SNX9: variants seen among roughly 807,000 people sequenced by gnomAD.
SNX9 encodes the protein sorting nexin-9.
Under a neutral mutation model 89.4 loss-of-function variants are expected in SNX9, and 44 were observed. The observed-to-expected ratio is 0.49, with a 90% CI of 0.39 to 0.63. The LOEUF is 0.63. SNX9 is among the 30% of genes least tolerant of loss of function. The probability of loss-of-function intolerance (pLI) is 0.00; values close to 1 mark genes in which losing one functional copy is unlikely to be tolerated. For synonymous variants in SNX9, 236 were observed against 247.8 expected, an observed-to-expected ratio of 0.95 and a Z score of 0.45; for missense variants, 578 against 736.1, an observed-to-expected ratio of 0.79 and a Z score of 2.49.
At chr6:157,880,808 G>C (rs1326864779) in intron 4 of SNX9, among the ~76,000 whole-genome samples, 1 of 152,158 alleles carries the variant, frequency 6.6e-6, no homozygotes, top group Non-Finnish European at 1.5e-5. Flanking sequence ...AGACTGTCTA[G>C]GTTTTAATCC....
At position 157,858,788 on chromosome 6, in the gene SNX9, G is replaced by A. The variant is rs151230834; in HGVS notation, c.13-8759G>A. On this transcript the variant is annotated intron_variant, in intron 1 of 17. Transcript: ENST00000392185. The stretch of plus-strand genomic sequence containing the variant: ...AAAGGGACATCTTACATGGCAGCAG[G>A]CAAGAGAGCTTGTGCAGGGGGACTC... 2.3e-4 allele frequency among the ~76,000 whole-genome samples: 35 copies of A among 152,296 alleles called. No individual in the cohort carries two copies. The East Asian group carries it at 6.2e-3, about 27-fold the overall frequency.
At chr6:157,935,660 C>T (rs763802380) in intron 13 of SNX9, among the ~76,000 whole-genome samples, 5 of 152,182 alleles carry the variant, frequency 3.3e-5, no homozygotes, top group African/African-American at 1.2e-4. Flanking sequence ...ATGACAGTCT[C>T]GTCATAGGTG....
chr6:157,871,534 G>A (rs940328751), intron 2 of SNX9, among the ~76,000 whole-genome samples: 6 of 152,092 alleles, frequency 3.9e-5, no homozygotes, highest in African/African-American at 1.4e-4. Context: ...GTCGTCGGGT[G>A]GGAGGAGGGG....
At chr6:157,882,932 T>G (rs1364948092) in intron 4 of SNX9, among the ~76,000 whole-genome samples, 2 of 152,240 alleles carry the variant, frequency 1.3e-5, no homozygotes, top group Non-Finnish European at 2.9e-5. Context: ...TTGATTCCAG[T>G]TTTGAAAGAA....
rs1425473410 is a variant in SNX9 at position 157,853,917 on chromosome 6, G to GAGACCA, written c.13-13625_13-13620dup. The stretch of plus-strand genomic sequence containing the variant: ...TTGTGTCACAAGGCACAGGCAGTTT[G>GAGACCA]AGACCAAGACTTTAAGGAATTGGTC... On this transcript the variant is annotated intron_variant, in intron 1 of 17. Coordinates refer to ENST00000392185, the MANE Select transcript of SNX9 (RefSeq NM_016224.5). Among the ~76,000 whole-genome samples the GAGACCA allele has an allele frequency of 8.5e-5, 13 of 152,280 alleles. No individual in the cohort carries two copies. The East Asian group carries it at 2.5e-3, about 29-fold the overall frequency.
chr6:157,831,484 TGCACACAG>T, intron 1 of SNX9, among the ~76,000 whole-genome samples: 1 of 152,236 alleles, frequency 6.6e-6, no homozygotes, highest in Non-Finnish European at 1.5e-5. Context: ...GACATTTCCT[TGCACACAG>T]GTTTTCCTCT....
chr6:157,827,681 T>A (rs1360768480), intron 1 of SNX9, among the ~76,000 whole-genome samples: 1 of 148,284 alleles, frequency 6.7e-6, no homozygotes, highest in African/African-American at 2.5e-5. Flanking sequence ...AATGAAGAAT[T>A]TTTTTTCAGT....
At chr6:157,876,900 A>G (rs909167296) in intron 4 of SNX9, among the ~76,000 whole-genome samples, 37 of 152,364 alleles carry the variant, frequency 2.4e-4, no homozygotes, top group Middle Eastern at 3.4e-3. Context: ...GTCTCCAGAT[A>G]TAGCCAAGTG....
At chr6:157,842,572 G>A (rs1245637177) in intron 1 of SNX9, among the ~76,000 whole-genome samples, 1 of 152,144 alleles carries the variant, frequency 6.6e-6, no homozygotes, top group Non-Finnish European at 1.5e-5. Flanking sequence ...AAGATAATTT[G>A]GTGTTTTTAA....
At chr6:157,899,141 G>A (rs1346375939) in intron 5 of SNX9, among the ~76,000 whole-genome samples, 1 of 152,164 alleles carries the variant, frequency 6.6e-6, no homozygotes, top group Non-Finnish European at 1.5e-5. Context: ...AGAGCCCACA[G>A]CACCTTATCT....
intron 13 of SNX9, among the ~76,000 whole-genome samples, chr6:157,933,502 G>A (rs1375414092): frequency 1.3e-5 from 2 of 152,158 alleles, no homozygotes; most frequent in Admixed American, 1.3e-4. Flanking sequence ...CTCCCACATG[G>A]CAATAGTTCT....
chr6:157,858,320 C>T (rs1342592867), intron 1 of SNX9, among the ~76,000 whole-genome samples: 2 of 150,964 alleles, frequency 1.3e-5, no homozygotes, highest in East Asian at 1.9e-4. Context: ...AATCTCGGCT[C>T]ACCGCAGCCT....
intron 1 of SNX9, among the ~76,000 whole-genome samples, chr6:157,844,588 T>G (rs1415818324): frequency 2.3e-5 from 3 of 131,594 alleles, no homozygotes; most frequent in African/African-American, 3.2e-5. Context: ...CTAATCCTTG[T>G]TTTTTTTTTT....
At chr6:157,917,206 G>A (rs1271050118) in intron 9 of SNX9, among the ~76,000 whole-genome samples, 2 of 151,870 alleles carry the variant, frequency 1.3e-5, no homozygotes, top group African/African-American at 4.8e-5. Flanking sequence ...CTTTAAAGAT[G>A]TTAGGTCTAC....
At chr6:157,837,551 T>C (rs986993524) in intron 1 of SNX9, among the ~76,000 whole-genome samples, 5 of 152,230 alleles carry the variant, frequency 3.3e-5, no homozygotes, top group African/African-American at 1.2e-4. Flanking sequence ...TTTGATGAAT[T>C]TGAATTTCAG....
At chr6:157,908,498 T>C (rs940487867) in intron 7 of SNX9, among the ~76,000 whole-genome samples, 3 of 152,226 alleles carry the variant, frequency 2.0e-5, no homozygotes, top group African/African-American at 7.2e-5. Flanking sequence ...TCCTGCAGTC[T>C]GAACCTCTAG....
intron 6 of SNX9, among the ~76,000 whole-genome samples, chr6:157,905,204 A>G (rs539383900): frequency 6.6e-6 from 1 of 152,244 alleles, no homozygotes; most frequent in East Asian, 1.9e-4. Context: ...AAGGAGACTC[A>G]AGGGAAGTCA....
In SNX9 at chr6:157,875,172, A is replaced by G. The variant is rs753744736; in HGVS notation, c.296A>G (p.His99Arg). The G allele has an allele frequency of 3.1e-6, 5 of 1,607,886 alleles. No homozygotes were observed. Among genetic ancestry groups the G allele is most frequent in the South Asian group, 2.2e-5 (2 of 89,592 alleles). Residue 99 changes from histidine to arginine, a missense_variant, in exon 4 of 18, where the codon CAC becomes CGC. His to Arg is a conservative substitution (Grantham distance 29). This residue lies in a region of SNX9 where 230 missense variants were observed against 244.7 expected (regional missense o/e 0.94). Transcript: ENST00000392185. ...AGTTCGTCGGCTGCCAGCAACAATC[A>G]CCAGGTACGTCTCACTTCCTCCTTC... The part of the protein sequence containing the change: ...QASSSAASNN[H>R]QVGSGNDPWS...
chr6:157,862,424 C>G (rs1782156921), intron 1 of SNX9, among the ~76,000 whole-genome samples: 1 of 152,054 alleles, frequency 6.6e-6, no homozygotes, highest in Admixed American at 6.6e-5. Flanking sequence ...GAAATATTAC[C>G]TACTCTTTAT....
Sources: allele counts gnomAD v4.1 joint callset (sites outside exome capture counted in the v4.1 genomes callset), GRCh38; gene constraint gnomAD v4.1.1; regional missense constraint gnomAD v4.1.1; transcripts MANE v1.5; gene names NCBI Gene and HGNC (gene_info 2026-07-23, HGNC 2026-07-21).